The following NFIA variants were observed in gnomAD, a reference collection of about 807,000 sequenced individuals.
NFIA encodes nuclear factor I A.
In NFIA, 8 loss-of-function variants were observed where a neutral mutation model predicts 62.8. The ratio of observed to expected loss-of-function variants is 0.13; its 90% confidence interval spans 0.07 to 0.23. The LOEUF is 0.23. Among genes scored for constraint, NFIA ranks in the 10% least tolerant of loss-of-function variants. NFIA has a pLI of 1.00. For missense variants in NFIA, 410 were observed against 642.1 expected (o/e 0.64, Z 3.91); for synonymous variants, 235 against 238.1 (o/e 0.99, Z 0.12).
intron 3 of NFIA, among the ~76,000 whole-genome samples, chr1:61,283,861 G>A (rs1320299617): frequency 1.3e-5 from 2 of 152,046 alleles, no homozygotes; most frequent in Non-Finnish European, 2.9e-5. Context: ...CTGCAAAAAT[G>A]GTCACTGCTG....
intron 3 of NFIA, among the ~76,000 whole-genome samples, chr1:61,320,704 T>TAA (rs1345105256): frequency 6.6e-6 from 1 of 152,102 alleles, no homozygotes; most frequent in Non-Finnish European, 1.5e-5. Context: ...TCAGGTGGTT[T>TAA]AGCAAGCAGG....
At chr1:61,144,292 G>T (rs768077675) in intron 2 of NFIA, among the ~76,000 whole-genome samples, 10 of 152,214 alleles carry the variant, frequency 6.6e-5, no homozygotes, top group Non-Finnish European at 1.0e-4. Context: ...CCCTGTAGAT[G>T]ATTATGATGT....
chr1:61,086,649 ATACT>A (rs1248667163), intron 1 of NFIA, among the ~76,000 whole-genome samples: 2 of 152,180 alleles, frequency 1.3e-5, no homozygotes, highest in East Asian at 1.9e-4. Flanking sequence ...GTATTAATAT[ATACT>A]TACTTTTAAA....
intron 2 of NFIA, among the ~76,000 whole-genome samples, chr1:61,090,077 CCT>C (rs1307126576): frequency 6.6e-6 from 1 of 152,156 alleles, no homozygotes; most frequent in East Asian, 1.9e-4. Context: ...AAAGTCAGCA[CCT>C]CTCAAGTGAC....
Position 61,334,535 on chromosome 1 carries a change from A to ATGTGTGTGTGTGTG in NFIA, c.700+1957_700+1970dup, listed in dbSNP as rs35661377. 5.4e-3 allele frequency among the ~76,000 whole-genome samples: 317 copies of ATGTGTGTGTGTGTG among 58,462 alleles called. 31 individuals are homozygous for ATGTGTGTGTGTGTG. The highest frequency in any genetic ancestry group is 0.028 in the African/African-American group (243 of 8,618). 38.4% of individuals were successfully genotyped at this position (58,462 alleles called of 152,430 possible). Reference sequence around the variant, plus strand: ...GGGGAGTATTTGTGTGTGTGTATATATGTGTGTGTGTGTGTGTGTGTATAT... The same window carrying ATGTGTGTGTGTGTG: ...GGGGAGTATTTGTGTGTGTGTATATATGTGTGTGTGTGTGTGTGTGTGTGTGTGTGTGTGTATAT... On this transcript the variant is annotated intron_variant, in intron 4 of 10. Transcript: ENST00000403491.
intron 6 of NFIA, among the ~76,000 whole-genome samples, chr1:61,378,897 A>G (rs1664274510): frequency 6.6e-6 from 1 of 152,094 alleles, no homozygotes; most frequent in African/African-American, 2.4e-5. Flanking sequence ...CCCTTTCACA[A>G]TATGGCAGCT....
intron 10 of NFIA, among the ~76,000 whole-genome samples, chr1:61,447,809 C>T (rs376027500): frequency 2.6e-5 from 4 of 152,210 alleles, no homozygotes; most frequent in East Asian, 1.9e-4. Context: ...CGGGGGTCTC[C>T]GGCTCCCAGA....
intron 2 of NFIA, among the ~76,000 whole-genome samples, chr1:61,164,855 G>A (rs1649465093): frequency 6.6e-6 from 1 of 152,146 alleles, no homozygotes; most frequent in Admixed American, 6.5e-5. Context: ...GTCTGGCACA[G>A]CAGCTAACTC....
At chr1:61,175,140 T>TA (rs1650246484) in intron 2 of NFIA, among the ~76,000 whole-genome samples, 2 of 151,722 alleles carry the variant, frequency 1.3e-5, no homozygotes, top group South Asian at 4.2e-4. Flanking sequence ...TTATTATTAT[T>TA]ATTATTATTA....
chr1:61,277,484 C>T (rs760457450), intron 2 of NFIA, 36 bp from the exon 3 acceptor site: 1 of 1,609,150 alleles, frequency 6.2e-7, no homozygotes, highest in Non-Finnish European at 8.5e-7. Flanking sequence ...CCCTTGCAGA[C>T]CCTGTAATTT....
chr1:61,099,363 A>G (rs1370302314), intron 2 of NFIA, among the ~76,000 whole-genome samples: 4 of 152,140 alleles, frequency 2.6e-5, no homozygotes, highest in African/African-American at 9.7e-5. Context: ...GCTTTTTACT[A>G]TCAAGTCACC....
chr1:61,145,464 A>C (rs1647854252), intron 2 of NFIA, among the ~76,000 whole-genome samples: 1 of 152,244 alleles, frequency 6.6e-6, no homozygotes, highest in Admixed American at 6.5e-5. Context: ...GTTTATCTCC[A>C]GATGTTCATT....
chr1:61,142,519 A>G (rs1647606756), intron 2 of NFIA, among the ~76,000 whole-genome samples: 1 of 152,262 alleles, frequency 6.6e-6, no homozygotes, highest in Admixed American at 6.5e-5. Context: ...CTTTGAAAAT[A>G]GTAAACTATG....
chr1:61,269,887 A>T (rs1341354618), intron 2 of NFIA, among the ~76,000 whole-genome samples: 2 of 152,226 alleles, frequency 1.3e-5, no homozygotes, highest in Non-Finnish European at 2.9e-5. Flanking sequence ...ATTCATTTGC[A>T]TACATCTTGT....
At chr1:61,257,329 GTTTTTTTTTTTTTT>G (rs67912567) in intron 2 of NFIA, among the ~76,000 whole-genome samples, 1 of 54,696 alleles carries the variant, frequency 1.8e-5, no homozygotes, top group Non-Finnish European at 3.3e-5. Context: ...TTACTGCGTT[GTTTTTTTTTTTTTT>G]TTTTTTTTTT....
At chr1:61,103,904 A>G (rs939654901) in intron 2 of NFIA, among the ~76,000 whole-genome samples, 4 of 152,154 alleles carry the variant, frequency 2.6e-5, no homozygotes, top group African/African-American at 9.7e-5. Flanking sequence ...TGATGATGCT[A>G]GACAATTGAT....
At chr1:61,152,791 G>T (rs1648517313) in intron 2 of NFIA, among the ~76,000 whole-genome samples, 1 of 152,116 alleles carries the variant, frequency 6.6e-6, no homozygotes, top group Non-Finnish European at 1.5e-5. Flanking sequence ...TGCCTCTTGT[G>T]TTCTCATTGC....
intron 2 of NFIA, among the ~76,000 whole-genome samples, chr1:61,134,184 A>G (rs1198759229): frequency 1.3e-5 from 2 of 151,814 alleles, no homozygotes; most frequent in Non-Finnish European, 2.9e-5. Context: ...TGATTAAATG[A>G]TATCTGAGGG....
At chr1:61,424,180 T>G (rs529019551) in intron 9 of NFIA, among the ~76,000 whole-genome samples, 24 of 152,290 alleles carry the variant, frequency 1.6e-4, no homozygotes, top group Non-Finnish European at 2.9e-4. Flanking sequence ...AATATCTGAT[T>G]GTTGGCCTCA....
Sources: allele counts gnomAD v4.1 joint callset (sites outside exome capture counted in the v4.1 genomes callset), GRCh38; gene constraint gnomAD v4.1.1; transcripts MANE v1.5; gene names NCBI Gene and HGNC (gene_info 2026-07-23, HGNC 2026-07-21).